ATF2: variants seen among roughly 807,000 people sequenced by gnomAD.
ATF2 encodes cyclic AMP-dependent transcription factor ATF-2.
ATF2 carries 24 observed loss-of-function variants against 60.6 expected under a neutral mutation model. That is an observed-to-expected ratio of 0.40 (90% confidence interval 0.29 to 0.56). ATF2 has a LOEUF of 0.56. ATF2 is among the 20% of genes least tolerant of loss of function. The pLI is 0.54. For synonymous variants in ATF2, 206 were observed against 215.4 expected, an observed-to-expected ratio of 0.96 and a Z score of 0.38; for missense variants, 433 against 607.7, an observed-to-expected ratio of 0.71 and a Z score of 3.02.
chr2:175,137,414 A>G (rs1025091355), intron 2 of ATF2, among the ~76,000 whole-genome samples: 3 of 152,184 alleles, frequency 2.0e-5, no homozygotes, highest in African/African-American at 7.2e-5. Flanking sequence ...CTGTCATTAC[A>G]AGTAGAATAT....
At chr2:175,132,155 T>G (rs1267786141) in intron 3 of ATF2, among the ~76,000 whole-genome samples, 1 of 152,188 alleles carries the variant, frequency 6.6e-6, no homozygotes, top group Admixed American at 6.6e-5. Flanking sequence ...GGTAAATATT[T>G]TAGTATTATT....
intron 11 of ATF2, 108 bp downstream of exon 11, chr2:175,097,336 G>T: frequency 7.0e-7 from 1 of 1,434,994 alleles, no homozygotes; most frequent in Non-Finnish European, 9.4e-7. Context: ...ATACATCTTT[G>T]GAATAACAAC....
chr2:175,105,031 G>A (rs1037526241), intron 10 of ATF2, among the ~76,000 whole-genome samples: 3 of 152,094 alleles, frequency 2.0e-5, no homozygotes, highest in African/African-American at 7.2e-5. Context: ...GTATCACTAA[G>A]TTTAGTTAAA....
intron 4 of ATF2, among the ~76,000 whole-genome samples, chr2:175,128,488 G>A (rs1254379106): frequency 4.9e-5 from 7 of 144,092 alleles, no homozygotes; most frequent in East Asian, 2.0e-4. Context: ...CAACAAGAGC[G>A]AAATTCCGTC....
chr2:175,085,624 T>C (rs1436537671), intron 12 of ATF2, among the ~76,000 whole-genome samples: 1 of 151,114 alleles, frequency 6.6e-6, no homozygotes, highest in Non-Finnish European at 1.5e-5. Context: ...TAGACAGGTC[T>C]GAAACTGATG....
At chr2:175,097,214 A>C (rs968840383) in intron 11 of ATF2, among the ~76,000 whole-genome samples, 1 of 152,242 alleles carries the variant, frequency 6.6e-6, no homozygotes, top group African/African-American at 2.4e-5. Context: ...TGACCAACAT[A>C]TATGGACACC....
At chr2:175,135,708 A>G (rs1698094012) in intron 3 of ATF2, among the ~76,000 whole-genome samples, 1 of 152,206 alleles carries the variant, frequency 6.6e-6, no homozygotes, top group East Asian at 1.9e-4. Context: ...TGATTTGAAC[A>G]AAACAAATGC....
intron 13 of ATF2, among the ~76,000 whole-genome samples, chr2:175,076,056 A>C (rs1056203824): frequency 1.3e-5 from 2 of 152,198 alleles, no homozygotes; most frequent in Non-Finnish European, 2.9e-5. Flanking sequence ...TTAGTGAAAA[A>C]AATTGTGGAC....
intron 5 of ATF2, 135 bp from the exon 6 acceptor site, chr2:175,118,504 AAAAC>A: frequency 2.9e-6 from 2 of 691,244 alleles, no homozygotes. Flanking sequence ...CTCTTCCTTT[AAAAC>A]AAACAAAATT....
chr2:175,134,894 C>A (rs1027169545), intron 3 of ATF2, among the ~76,000 whole-genome samples: 1 of 150,978 alleles, frequency 6.6e-6, no homozygotes, highest in Admixed American at 6.6e-5. Flanking sequence ...GTCCCAGCTA[C>A]TCTGGAGGCT....
chr2:175,080,835 G>A, intron 12 of ATF2, 70 bp from the exon 13 acceptor site: 1 of 1,253,614 alleles, frequency 8.0e-7, no homozygotes, highest in South Asian at 1.4e-5. Context: ...AACAAGCAAG[G>A]ATTAAAGTAT....
In ATF2 at chr2:175,151,783, C is replaced by T. The variant is rs115097024; in HGVS notation, c.-142-625G>A. On this transcript the variant is annotated intron_variant, in intron 1 of 13. Coordinates refer to ENST00000264110, the MANE Select transcript of ATF2 (RefSeq NM_001880.4). ...AACATAGGCAATCCAGAACCATGATCGCCTGGAACCAAGGGTCCTTATATT... is the reference window on the plus strand; with the variant it reads ...AACATAGGCAATCCAGAACCATGATTGCCTGGAACCAAGGGTCCTTATATT... 2.9e-3 allele frequency among the ~76,000 whole-genome samples: 446 copies of T among 152,238 alleles called. 3 individuals carry two copies. Among genetic ancestry groups the T allele is most frequent in the African/African-American group, 9.5e-3 (396 of 41,538 alleles).
At chr2:175,140,999 G>GAAA (rs869208203) in intron 2 of ATF2, among the ~76,000 whole-genome samples, 5 of 26,770 alleles carry the variant, frequency 1.9e-4, no homozygotes, top group South Asian at 2.5e-3. Context: ...CCTATCTCAG[G>GAAA]AAAAAAAAAA....
At chr2:175,157,251 C>G (rs914250580) in intron 1 of ATF2, among the ~76,000 whole-genome samples, 18 of 152,162 alleles carry the variant, frequency 1.2e-4, no homozygotes, top group Non-Finnish European at 2.5e-4. Context: ...ACTAGGATGT[C>G]AGAAAAACAA....
At chr2:175,152,932 A>G (rs1050489338) in intron 1 of ATF2, among the ~76,000 whole-genome samples, 1 of 152,228 alleles carries the variant, frequency 6.6e-6, no homozygotes, top group Admixed American at 6.5e-5. Flanking sequence ...TTTCTTTCAG[A>G]GAAATGTTTA....
intron 10 of ATF2, among the ~76,000 whole-genome samples, chr2:175,106,349 G>C (rs760130332): frequency 4.0e-5 from 6 of 151,888 alleles, no homozygotes; most frequent in Non-Finnish European, 5.9e-5. Context: ...TGGCCAACAT[G>C]GTGATACCCA....
intron 1 of ATF2, among the ~76,000 whole-genome samples, chr2:175,157,372 G>A (rs1314683632): frequency 6.6e-6 from 1 of 152,150 alleles, no homozygotes; most frequent in Admixed American, 6.5e-5. Flanking sequence ...CACGCAGGGT[G>A]AGAGCTCACA....
At chr2:175,117,697 AGC>A (rs1696675843) in intron 7 of ATF2, among the ~76,000 whole-genome samples, 1 of 152,048 alleles carries the variant, frequency 6.6e-6, no homozygotes, top group East Asian at 1.9e-4. Flanking sequence ...GTATAAAAGT[AGC>A]TAAATATAAA....
intron 2 of ATF2, among the ~76,000 whole-genome samples, chr2:175,138,326 C>T (rs953597270): frequency 6.6e-6 from 1 of 152,108 alleles, no homozygotes; most frequent in African/African-American, 2.4e-5. Context: ...TAGATACCTG[C>T]CTTCATGGAG....
Sources: allele counts gnomAD v4.1 joint callset (sites outside exome capture counted in the v4.1 genomes callset), GRCh38; gene constraint gnomAD v4.1.1; transcripts MANE v1.5; gene names NCBI Gene and HGNC (gene_info 2026-07-23, HGNC 2026-07-21).